Variants in IGFBP7 observed in about 807,000 individuals in gnomAD.
IGFBP7 encodes the protein insulin like growth factor binding protein 7.
Under a neutral mutation model 29.4 loss-of-function variants are expected in IGFBP7, and 31 were observed. The ratio of observed to expected loss-of-function variants is 1.05; its 90% CI spans 0.79 to 1.42. The LOEUF is 1.42. IGFBP7 is among the 40% of genes most tolerant of loss of function. IGFBP7 has a pLI of 0.00. For synonymous variants in IGFBP7, 172 were observed against 174.9 expected (o/e 0.98, Z 0.13); for missense variants, 393 against 395.5 (o/e 0.99, Z 0.05).
intron 1 of IGFBP7, among the ~76,000 whole-genome samples, chr4:57,088,901 G>A (rs1456695394): frequency 6.6e-6 from 1 of 151,820 alleles, no homozygotes; most frequent in African/African-American, 2.4e-5. Context: ...GTGTGGTGTT[G>A]GGCACCTGTA....
At chr4:57,037,400 AGGATCTTGCTCT>A (rs1192434672) in intron 2 of IGFBP7, among the ~76,000 whole-genome samples, 2 of 150,236 alleles carry the variant, frequency 1.3e-5, no homozygotes, top group Non-Finnish European at 3.0e-5. Flanking sequence ...TTTCAGAGAC[AGGATCTTGCTCT>A]GTTGCCCAGG....
At position 57,109,965 on chromosome 4, in the gene IGFBP7, G is replaced by A; in HGVS notation, c.387C>T (p.Ser129=). ...GGCTGGCGGCGCGCAGCTGGCAGCC[G>A]CTCGGGTAGGTGGTGCCGTCGCTGC... ...VCGSDGTTYP[S]GCQLRAASQR... is the part of the protein sequence containing the mutation. Residue 129 remains serine, a synonymous_variant, in exon 1 of 5, where the codon AGC becomes AGT. Transcript: ENST00000295666. 6.5e-7 allele frequency: 1 copy of A among 1,548,564 alleles called. No individual in the cohort carries two copies.
intron 1 of IGFBP7, among the ~76,000 whole-genome samples, chr4:57,055,129 A>G (rs895580065): frequency 6.6e-6 from 1 of 152,212 alleles, no homozygotes; most frequent in Non-Finnish European, 1.5e-5. Flanking sequence ...AAAAGATTTC[A>G]TAGCGGGGCA....
chr4:57,084,975 T>C (rs1204379817), intron 1 of IGFBP7, among the ~76,000 whole-genome samples: 1 of 151,742 alleles, frequency 6.6e-6, no homozygotes, highest in East Asian at 1.9e-4. Context: ...TAAAAATGGA[T>C]ACAGGGTCTC....
rs751110814 is a variant in IGFBP7, at chr4:57,110,123, C to G, written c.229G>C (p.Gly77Arg). The change falls in exon 1 of 5, where the codon GGC (glycine) becomes CGC (arginine). Residue 77 changes from glycine to arginine, a missense_variant. By Grantham distance (125) the Gly-to-Arg change is moderately radical. Transcript: ENST00000295666. ...ATGCCCGGCGCGCAGTACCCCCTGC[C>G]GGCGCCGCCACCCCCGCACGGCTCG... Reference protein sequence around the residue: ...EGEPCGGGGAGRGYCAPGMEC... With the variant: ...EGEPCGGGGARRGYCAPGMEC... 6.6e-7 allele frequency: 1 copy of G among 1,511,122 alleles called. No homozygotes were observed. Among genetic ancestry groups the G allele is most frequent in the Non-Finnish European group, 8.8e-7 (1 of 1,136,646 alleles). The allele number at this position is 1,511,122 out of a possible 1,614,324, so 93.6% of individuals were successfully genotyped here. A position where few individuals can be genotyped will look rare whatever the true frequency, so the allele number is the denominator to read the frequency against.
At chr4:57,051,083 A>G (rs1481781765) in intron 1 of IGFBP7, among the ~76,000 whole-genome samples, 1 of 152,222 alleles carries the variant, frequency 6.6e-6, no homozygotes, top group African/African-American at 2.4e-5. Context: ...CTAGATTGAG[A>G]TGAGATTCTG....
chr4:57,095,889 G>T (rs1215005252), intron 1 of IGFBP7, among the ~76,000 whole-genome samples: 2 of 152,140 alleles, frequency 1.3e-5, no homozygotes, highest in East Asian at 3.9e-4. Context: ...CAGTGTGAAG[G>T]TTCCCCTTTC....
chr4:57,061,563 A>G (rs1470800454), intron 1 of IGFBP7, among the ~76,000 whole-genome samples: 1 of 152,218 alleles, frequency 6.6e-6, no homozygotes, highest in Non-Finnish European at 1.5e-5. Context: ...GGTGGTGTTG[A>G]CAGCGTGGAT....
intron 1 of IGFBP7, among the ~76,000 whole-genome samples, chr4:57,075,736 T>C (rs1578635887): frequency 1.3e-5 from 2 of 151,308 alleles, no homozygotes; most frequent in South Asian, 4.2e-4. Flanking sequence ...AGTAGAAAAA[T>C]AAAGTCCAGA....
intron 2 of IGFBP7, among the ~76,000 whole-genome samples, chr4:57,037,168 G>A (rs1016280722): frequency 2.0e-5 from 3 of 152,164 alleles, no homozygotes; most frequent in Non-Finnish European, 4.4e-5. Flanking sequence ...AGTTCCAGGA[G>A]TCACTGATGG....
chr4:57,052,193 T>A (rs1724520902), intron 1 of IGFBP7, among the ~76,000 whole-genome samples: 1 of 151,960 alleles, frequency 6.6e-6, no homozygotes, highest in South Asian at 2.1e-4. Context: ...AGGGGAAGAC[T>A]TGGGGGATTA....
intron 1 of IGFBP7, among the ~76,000 whole-genome samples, chr4:57,091,443 A>G (rs1725633821): frequency 1.3e-5 from 2 of 152,228 alleles, no homozygotes; most frequent in Admixed American, 1.3e-4. Flanking sequence ...TTCCAGCTTC[A>G]TTCAATTCCC....
At chr4:57,041,450 AG>A (rs1163059001) in intron 1 of IGFBP7, among the ~76,000 whole-genome samples, 1 of 152,236 alleles carries the variant, frequency 6.6e-6, no homozygotes. Flanking sequence ...AAGGTTGAAA[AG>A]GGTGATGAGG....
intron 1 of IGFBP7, among the ~76,000 whole-genome samples, chr4:57,063,633 C>T (rs11573078): frequency 0.014 from 2,109 of 152,240 alleles, 48 homozygotes; most frequent in African/African-American, 0.048. Flanking sequence ...ACTTTTATTC[C>T]ACAGTTTGTA....
intron 1 of IGFBP7, among the ~76,000 whole-genome samples, chr4:57,052,362 G>T (rs1033426880): frequency 6.6e-6 from 1 of 152,152 alleles, no homozygotes; most frequent in African/African-American, 2.4e-5. Context: ...AAGGGGAAAG[G>T]GTGGACTTGG....
chr4:57,035,966 C>T (rs1724074572), intron 2 of IGFBP7, among the ~76,000 whole-genome samples: 1 of 152,128 alleles, frequency 6.6e-6, no homozygotes, highest in Admixed American at 6.5e-5. Context: ...GGGAATCTAT[C>T]TTATAGCAAT....
At chr4:57,078,428 G>C (rs1238522647) in intron 1 of IGFBP7, among the ~76,000 whole-genome samples, 1 of 151,694 alleles carries the variant, frequency 6.6e-6, no homozygotes, top group Non-Finnish European at 1.5e-5. Flanking sequence ...CACTGCACAA[G>C]TAAACTACTT....
At chr4:57,082,648 A>G (rs1725399180) in intron 1 of IGFBP7, among the ~76,000 whole-genome samples, 1 of 152,216 alleles carries the variant, frequency 6.6e-6, no homozygotes, top group Non-Finnish European at 1.5e-5. Context: ...TGCTCACTGT[A>G]ACAATTCAAA....
At chr4:57,045,096 T>C (rs906142049) in intron 1 of IGFBP7, among the ~76,000 whole-genome samples, 2 of 152,214 alleles carry the variant, frequency 1.3e-5, no homozygotes, top group Non-Finnish European at 2.9e-5. Flanking sequence ...AATCATATCA[T>C]GGGTTCCTAT....
Sources: allele counts gnomAD v4.1 joint callset (sites outside exome capture counted in the v4.1 genomes callset), GRCh38; gene constraint gnomAD v4.1.1; transcripts MANE v1.5; gene names NCBI Gene and HGNC (gene_info 2026-07-23, HGNC 2026-07-21).